Variants in RGL1 observed in about 807,000 individuals in gnomAD.
RGL1 encodes the protein ral guanine nucleotide dissociation stimulator like 1.
In RGL1, 24 loss-of-function variants were observed where a neutral mutation model predicts 95.2. That is an observed-to-expected ratio of 0.25 (90% CI 0.18 to 0.35). The LOEUF (loss-of-function observed/expected upper bound fraction) is 0.35. Ranked by LOEUF, RGL1 falls within the 10% of genes least tolerant of loss-of-function variation. The probability of loss-of-function intolerance (pLI) is 1.00; values close to 1 mark genes in which losing one functional copy is unlikely to be tolerated. For missense variants in RGL1, 715 were observed against 936.3 expected (o/e 0.76, Z 3.08); for synonymous variants, 329 against 344.9 (o/e 0.95, Z 0.51).
rs534978240 is a variant in RGL1 at position 183,770,545 on chromosome 1, G to A, written c.132+28256G>A. On this transcript the variant is annotated intron_variant, in intron 2 of 18. Transcript: ENST00000304685. ...GAAGAAGGCTTTAATTGGGTGCTTC[G>A]CTTGAGGGGAGAGGAGACCAGTCTC... is the stretch of plus-strand genomic sequence containing the variant. 8.1e-4 allele frequency among the ~76,000 whole-genome samples: 123 copies of A among 152,280 alleles called. No individual in the cohort carries two copies. The South Asian group carries it at 0.024, about 30-fold the overall frequency.
intron 1 of RGL1, among the ~76,000 whole-genome samples, chr1:183,737,003 A>G (rs1373923795): frequency 1.3e-5 from 2 of 152,310 alleles, no homozygotes; most frequent in Admixed American, 1.3e-4. Flanking sequence ...GGGATGTCTC[A>G]TATGCTATTT....
At chr1:183,708,060 C>T (rs1193307834) in intron 1 of RGL1, among the ~76,000 whole-genome samples, 2 of 152,104 alleles carry the variant, frequency 1.3e-5, no homozygotes, top group Non-Finnish European at 2.9e-5. Flanking sequence ...ATTATAAAGT[C>T]GAATGTTCCA....
intron 2 of RGL1, among the ~76,000 whole-genome samples, chr1:183,776,993 G>GTAT (rs2102345251): frequency 6.6e-6 from 1 of 152,330 alleles, no homozygotes; most frequent in South Asian, 2.1e-4. Flanking sequence ...GAAACTTACT[G>GTAT]TATTTCAAGT....
At chr1:183,665,005 T>C (rs1651932923) in intron 1 of RGL1, among the ~76,000 whole-genome samples, 1 of 152,170 alleles carries the variant, frequency 6.6e-6, no homozygotes, top group South Asian at 2.1e-4. Context: ...TTAAGTATGA[T>C]GTTAGTTGTA....
At chr1:183,782,453 A>G (rs1008650026) in intron 2 of RGL1, among the ~76,000 whole-genome samples, 9 of 152,214 alleles carry the variant, frequency 5.9e-5, no homozygotes, top group Non-Finnish European at 1.0e-4. Context: ...GTGTTCAATC[A>G]CAGTTAAATG....
At chr1:183,807,942 G>A (rs1661449393) in intron 2 of RGL1, among the ~76,000 whole-genome samples, 1 of 152,110 alleles carries the variant, frequency 6.6e-6, no homozygotes, top group African/African-American at 2.4e-5. Flanking sequence ...TTTAAATGTG[G>A]CGTCCATGTG....
chr1:183,792,266 ATTCAT>A (rs146495863), intron 2 of RGL1, among the ~76,000 whole-genome samples: 145 of 152,020 alleles, frequency 9.5e-4, no homozygotes, highest in African/African-American at 3.4e-3. Flanking sequence ...TATCACTCGG[ATTCAT>A]TTCTTTATTT....
rs566391758 is a variant in RGL1, at chr1:183,641,987, C to T, written c.-33+5486C>T. ...TTTTAGTATCTTCCATGACCATGGA[C>T]GTTTTTCTTTTCTCATTACCACTAT... On this transcript the variant is annotated intron_variant, in intron 1 of 18. Coordinates refer to the RGL1 transcript ENST00000304685. Among the ~76,000 whole-genome samples, 74 of 152,280 alleles carry T rather than the reference C, an allele frequency of 4.9e-4. 1 individual carries two copies. The highest frequency in any genetic ancestry group is 1.7e-3 in the African/African-American group (70 of 41,564).
At chr1:183,828,712 A>G (rs901833282) in intron 2 of RGL1, among the ~76,000 whole-genome samples, 1 of 152,254 alleles carries the variant, frequency 6.6e-6, no homozygotes, top group Non-Finnish European at 1.5e-5. Context: ...ACAACCAAAG[A>G]TAATGATTCC....
chr1:183,781,255 G>T (rs994440265), intron 2 of RGL1, among the ~76,000 whole-genome samples: 2 of 152,062 alleles, frequency 1.3e-5, no homozygotes, highest in African/African-American at 4.8e-5. Flanking sequence ...AACACACACA[G>T]TAAACATTTT....
intron 1 of RGL1, among the ~76,000 whole-genome samples, chr1:183,723,646 C>T (rs1257869892): frequency 6.6e-6 from 1 of 152,182 alleles, no homozygotes; most frequent in East Asian, 1.9e-4. Flanking sequence ...TTTATCCATC[C>T]TAGCAGTGGG....
intron 8 of RGL1, among the ~76,000 whole-genome samples, chr1:183,890,823 G>A (rs1325306000): frequency 6.6e-6 from 1 of 152,150 alleles, no homozygotes; most frequent in Non-Finnish European, 1.5e-5. Flanking sequence ...GGACGGTAGG[G>A]TCCCAGGGTG....
chr1:183,674,045 C>T (rs77047385), intron 1 of RGL1, among the ~76,000 whole-genome samples: 10,845 of 152,150 alleles, frequency 0.071, 664 homozygotes, highest in African/African-American at 0.17. Flanking sequence ...TCTTCACTCA[C>T]TTGCTAAACT....
At chr1:183,726,463 A>G (rs1656318823) in intron 1 of RGL1, among the ~76,000 whole-genome samples, 1 of 152,078 alleles carries the variant, frequency 6.6e-6, no homozygotes. Flanking sequence ...TTCTTTATAT[A>G]CTAAATGTCT....
intron 1 of RGL1, among the ~76,000 whole-genome samples, chr1:183,637,780 G>A (rs1049137477): frequency 5.9e-5 from 9 of 152,210 alleles, no homozygotes; most frequent in African/African-American, 2.2e-4. Context: ...TCTTAGGAAT[G>A]CCTTAAGACA....
chr1:183,882,814 A>G (rs752331619), intron 5 of RGL1, among the ~76,000 whole-genome samples: 2 of 152,244 alleles, frequency 1.3e-5, no homozygotes, highest in Admixed American at 6.5e-5. Context: ...AAGATGCCCA[A>G]TAGTCTTTAA....
intron 4 of RGL1, among the ~76,000 whole-genome samples, chr1:183,872,830 C>T (rs1180327509): frequency 6.6e-6 from 1 of 151,808 alleles, no homozygotes; most frequent in Non-Finnish European, 1.5e-5. Context: ...GTGATTATAA[C>T]AAAAATGGGG....
chr1:183,673,066 C>A (rs996142528), intron 1 of RGL1, among the ~76,000 whole-genome samples: 1 of 151,886 alleles, frequency 6.6e-6, no homozygotes, highest in African/African-American at 2.4e-5. Context: ...AATTTTCCTG[C>A]ATATTAGATT....
intron 16 of RGL1, among the ~76,000 whole-genome samples, chr1:183,921,631 T>C (rs1230425362): frequency 1.3e-5 from 2 of 152,238 alleles, no homozygotes; most frequent in African/African-American, 4.8e-5. Flanking sequence ...TTCCTGTTGA[T>C]GGAGATTCAG....
Sources: gnomAD v4.1 joint callset for allele counts (sites outside exome capture counted in the v4.1 genomes callset) on GRCh38, gnomAD v4.1.1 for gene constraint, MANE v1.5 for transcripts, NCBI Gene and HGNC (gene_info 2026-07-23, HGNC 2026-07-21) for gene names.